DENND5B: variants seen among roughly 807,000 people sequenced by gnomAD.
DENND5B encodes DENN domain-containing protein 5B.
Under a neutral mutation model 140.6 loss-of-function variants are expected in DENND5B, and 34 were observed. The ratio of observed to expected loss-of-function variants is 0.24; its 90% confidence interval spans 0.18 to 0.32. DENND5B has a LOEUF of 0.32. Among genes scored for constraint, DENND5B ranks in the 10% least tolerant of loss-of-function variants. The pLI is 1.00. For synonymous variants in DENND5B, 551 were observed against 562.1 expected (o/e 0.98, Z 0.28); for missense variants, 1,142 against 1,560.2 (o/e 0.73, Z 4.52).
intron 7 of DENND5B, among the ~76,000 whole-genome samples, chr12:31,441,669 C>T (rs1182417345): frequency 6.6e-6 from 1 of 151,944 alleles, no homozygotes; most frequent in African/African-American, 2.4e-5. Context: ...GTTGTTGTTG[C>T]TGTTTTTAAT....
intron 1 of DENND5B, among the ~76,000 whole-genome samples, chr12:31,526,293 A>T (rs1329456913): frequency 6.6e-6 from 1 of 152,192 alleles, no homozygotes; most frequent in Non-Finnish European, 1.5e-5. Flanking sequence ...AAAATGTCAC[A>T]AACAGTTAAT....
chr12:31,464,041 G>C (rs758982313), intron 3 of DENND5B, among the ~76,000 whole-genome samples: 10 of 152,076 alleles, frequency 6.6e-5, no homozygotes, highest in Non-Finnish European at 1.5e-4. Context: ...GAAATAAAAG[G>C]CAGAGTTTTC....
At chr12:31,527,739 C>T (rs1948136912) in intron 1 of DENND5B, among the ~76,000 whole-genome samples, 1 of 151,958 alleles carries the variant, frequency 6.6e-6, no homozygotes, top group African/African-American at 2.4e-5. Flanking sequence ...GATCATGCCA[C>T]TACACTCTAG....
At chr12:31,566,000 C>T (rs994025623) in intron 1 of DENND5B, among the ~76,000 whole-genome samples, 1 of 151,936 alleles carries the variant, frequency 6.6e-6, no homozygotes, top group Non-Finnish European at 1.5e-5. Context: ...TAAAAATTAG[C>T]TGGGCATGGT....
intron 1 of DENND5B, among the ~76,000 whole-genome samples, chr12:31,566,940 T>G (rs1339894202): frequency 6.6e-6 from 1 of 152,196 alleles, no homozygotes; most frequent in Non-Finnish European, 1.5e-5. Context: ...GCAGGAGAAC[T>G]GCTTGAGCCT....
At chr12:31,557,475 C>T (rs1302191274) in intron 1 of DENND5B, among the ~76,000 whole-genome samples, 3 of 151,868 alleles carry the variant, frequency 2.0e-5, no homozygotes, top group Non-Finnish European at 4.4e-5. Flanking sequence ...ACCTCCTGGG[C>T]TCAACTGATC....
chr12:31,392,305 C>A lies in DENND5B; in HGVS notation c.3428G>T (p.Arg1143Leu). The A allele has an allele frequency of 6.2e-7, 1 of 1,613,742 alleles. No homozygotes were observed. The highest frequency in any genetic ancestry group is 8.5e-7 in the Non-Finnish European group (1 of 1,179,814). The change falls in exon 19 of 21, where the codon CGC becomes CTC. Residue 1143 changes from arginine (R) to leucine (L), a missense_variant. Around this residue, in one of 5 missense-constraint regions of DENND5B, gnomAD observed 125 missense variants for 179.0 expected, o/e 0.70. Coordinates refer to ENST00000389082, the MANE Select transcript of DENND5B (RefSeq NM_144973.4). ...GATGAAGACATTCTTGTGAAAGATG[C>A]GGGCAGATTTGAACCCATGGTGGAA... ...QVFHHGFKSA[R>L]IFHKNVFIWD...
At chr12:31,453,754 G>A (rs1305770583) in intron 4 of DENND5B, among the ~76,000 whole-genome samples, 5 of 152,270 alleles carry the variant, frequency 3.3e-5, no homozygotes, top group African/African-American at 1.2e-4. Flanking sequence ...AAAGCAACCA[G>A]TCGGGTCTTT....
intron 1 of DENND5B, among the ~76,000 whole-genome samples, chr12:31,543,733 AAC>A (rs995109571): frequency 1.8e-4 from 28 of 152,394 alleles, no homozygotes; most frequent in African/African-American, 6.5e-4. Context: ...TTATTCAATA[AAC>A]ACAGACTGGA....
At chr12:31,581,977 ATGGTTGT>A (rs1950223997) in intron 1 of DENND5B, among the ~76,000 whole-genome samples, 1 of 152,182 alleles carries the variant, frequency 6.6e-6, no homozygotes, top group Non-Finnish European at 1.5e-5. Flanking sequence ...TTCCATGTAA[ATGGTTGT>A]TATGCTGTAT....
At chr12:31,483,360 G>A (rs1369169511) in intron 2 of DENND5B, among the ~76,000 whole-genome samples, 5 of 152,118 alleles carry the variant, frequency 3.3e-5, no homozygotes, top group African/African-American at 7.2e-5. Context: ...GAGTGCAAAA[G>A]TAACTGTGGT....
At position 31,402,431 on chromosome 12, in the gene DENND5B, C is replaced by T. The variant is rs986319840; in HGVS notation, c.2949+67G>A. 16 of 1,507,752 alleles carry T rather than the reference C, an allele frequency of 1.1e-5. No homozygotes were observed. In the Admixed American group the frequency reaches 3.2e-4, roughly 30 times the overall value. 93.4% of individuals were successfully genotyped at this position (1,507,752 alleles called of 1,614,324 possible). Reference sequence around the variant, plus strand: ...TTTGATTCAAGGAAAAATGAAAAAGCCAGACAGAATCATCTGTAAAACTAC... The same window carrying T: ...TTTGATTCAAGGAAAAATGAAAAAGTCAGACAGAATCATCTGTAAAACTAC... On this transcript the variant is annotated intron_variant, in intron 15 of 20. Coordinates refer to ENST00000389082, the MANE Select transcript of DENND5B (RefSeq NM_144973.4).
intron 1 of DENND5B, among the ~76,000 whole-genome samples, chr12:31,556,134 G>A (rs555965790): frequency 5.3e-5 from 8 of 152,286 alleles, no homozygotes; most frequent in East Asian, 1.9e-4. Context: ...GAAATCACCC[G>A]TCTTCTGCGT....
intron 14 of DENND5B, among the ~76,000 whole-genome samples, chr12:31,403,962 A>G (rs1202920141): frequency 6.7e-6 from 1 of 149,852 alleles, no homozygotes; most frequent in Non-Finnish European, 1.5e-5. Context: ...CATGTCTGTA[A>G]TCCTACCTAG....
chr12:31,450,341 T>C (rs1944458024), intron 5 of DENND5B, among the ~76,000 whole-genome samples: 1 of 146,522 alleles, frequency 6.8e-6, no homozygotes, highest in Non-Finnish European at 1.5e-5. Context: ...ACAGAAAAAA[T>C]ATCTGATGAA....
At chr12:31,518,715 C>T (rs1013281518) in intron 1 of DENND5B, among the ~76,000 whole-genome samples, 2 of 152,042 alleles carry the variant, frequency 1.3e-5, no homozygotes, top group Non-Finnish European at 1.5e-5. Flanking sequence ...GCATCATACT[C>T]AAAAGCATAG....
At chr12:31,483,865 C>CTTT (rs200066618) in intron 2 of DENND5B, among the ~76,000 whole-genome samples, 2,435 of 129,352 alleles carry the variant, frequency 0.019, 37 homozygotes, top group South Asian at 0.05. Context: ...CTTTTCTTTT[C>CTTT]TTTTTTTTTT....
intron 8 of DENND5B, 92 bp downstream of exon 8, chr12:31,433,056 TAAAGAAC>T: frequency 9.8e-7 from 1 of 1,021,416 alleles, no homozygotes; most frequent in Admixed American, 2.3e-5. Flanking sequence ...GTTTTTTTTT[TAAAGAAC>T]ATTAAGAATC....
At chr12:31,505,113 G>A (rs1056114887) in intron 1 of DENND5B, among the ~76,000 whole-genome samples, 4 of 151,948 alleles carry the variant, frequency 2.6e-5, no homozygotes, top group Admixed American at 6.6e-5. Context: ...ATTTGTGTTC[G>A]TTTTGACTTT....
Sources: gnomAD v4.1 joint callset for allele counts (sites outside exome capture counted in the v4.1 genomes callset) on GRCh38, gnomAD v4.1.1 for gene constraint, gnomAD v4.1.1 regional missense constraint, MANE v1.5 for transcripts, NCBI Gene and HGNC (gene_info 2026-07-23, HGNC 2026-07-21) for gene names.